Variants in STK40 observed in about 807,000 individuals in gnomAD.
The protein encoded by STK40 is serine/threonine-protein kinase 40.
Under a neutral mutation model 47.9 loss-of-function variants are expected in STK40, and 13 were observed. That is an observed-to-expected ratio of 0.27 (90% CI 0.18 to 0.43). The LOEUF (loss-of-function observed/expected upper bound fraction) is 0.43. Ranked by LOEUF, STK40 falls within the 20% of genes least tolerant of loss-of-function variation. The probability of loss-of-function intolerance (pLI) is 1.00; values close to 1 mark genes in which losing one functional copy is unlikely to be tolerated. For missense variants in STK40, 460 were observed against 595.1 expected (o/e 0.77, Z 2.36); for synonymous variants, 225 against 243.2 (o/e 0.93, Z 0.69).
At chr1:36,369,255 G>A (rs1408056301) in intron 1 of STK40, among the ~76,000 whole-genome samples, 1 of 152,160 alleles carries the variant, frequency 6.6e-6, no homozygotes, top group Non-Finnish European at 1.5e-5. Context: ...TGCACCAGGT[G>A]CAGGATGGTG....
At chr1:36,355,483 C>T (rs1646795564) in intron 4 of STK40, 50 bp from the exon 5 acceptor site, 1 of 1,589,970 alleles carries the variant, frequency 6.3e-7, no homozygotes, top group Non-Finnish European at 8.6e-7. Context: ...TTGGCAGGGC[C>T]AAGGCCAGGG....
At position 36,367,286 on chromosome 1, in the gene STK40, G is replaced by A. The variant is rs1396676019; in HGVS notation, c.-8-5946C>T. Among the ~76,000 whole-genome samples, 2 of 152,184 alleles carry A rather than the reference G, an allele frequency of 1.3e-5. 1 individual carries two copies. Among genetic ancestry groups the A allele is most frequent in the Admixed American group, 1.3e-4 (2 of 15,284 alleles). On this transcript the variant is annotated intron_variant, in intron 1 of 10. Coordinates refer to ENST00000373132, the MANE Select transcript of STK40 (RefSeq NM_001282547.2). ...AAGAGAGCCCAGCTGGCACTCCGCCGTCCGCAGGCTGTAGCTGTGCCTGAT... is the reference window on the plus strand; with the variant it reads ...AAGAGAGCCCAGCTGGCACTCCGCCATCCGCAGGCTGTAGCTGTGCCTGAT...
At chr1:36,383,424 G>C (rs541326255) in intron 1 of STK40, among the ~76,000 whole-genome samples, 2 of 152,224 alleles carry the variant, frequency 1.3e-5, no homozygotes, top group Non-Finnish European at 2.9e-5. Flanking sequence ...GCACTTCTGC[G>C]CCAGGCAGAG....
In STK40 at chr1:36,342,205, C is replaced by G. The variant is rs1042550297; in HGVS notation, c.1090-232G>C. 1.2e-5 allele frequency: 7 copies of G among 562,836 alleles called. No homozygotes were observed. In the Admixed American group the frequency reaches 1.9e-4, roughly 15 times the overall value. 34.9% of individuals were successfully genotyped at this position (562,836 alleles called of 1,614,324 possible). ...GGCCGCCCTGCGGACCCGGGACTGA[C>G]GCAGACTCATGCTTCCTAACTCACT... On this transcript the variant is annotated intron_variant, in intron 10 of 10. Coordinates refer to ENST00000373132, the MANE Select transcript of STK40 (RefSeq NM_001282547.2).
intron 1 of STK40, among the ~76,000 whole-genome samples, chr1:36,361,916 C>G (rs553642893): frequency 5.9e-5 from 9 of 152,288 alleles, no homozygotes; most frequent in Admixed American, 5.9e-4. Flanking sequence ...GAACCCCTCT[C>G]CCCATCTTTC....
intron 1 of STK40, among the ~76,000 whole-genome samples, 162 bp downstream of exon 1, chr1:36,385,561 G>C (rs1352185886): frequency 6.6e-6 from 1 of 152,144 alleles, no homozygotes; most frequent in African/African-American, 2.4e-5. Context: ...CGCCGGGGAA[G>C]GGCAGAGCCC....
At chr1:36,384,457 T>C (rs1647068211) in intron 1 of STK40, among the ~76,000 whole-genome samples, 8 of 152,240 alleles carry the variant, frequency 5.3e-5, no homozygotes, top group Admixed American at 4.6e-4. Context: ...GCAAACATGG[T>C]TGTATGTTTT....
In STK40 at chr1:36,341,679, G is replaced by A; in HGVS notation, c.*76C>T. 6.4e-7 allele frequency: 1 copy of A among 1,556,710 alleles called. No individual in the cohort carries two copies. The highest frequency in any genetic ancestry group is 1.2e-5 in the South Asian group (1 of 85,296). ...GCCCGGGAGAGTCCAGCACTACAGG[G>A]CCCAGCCCTGACAGCCACGCCTTTG... On this transcript the variant is annotated 3_prime_UTR_variant, in exon 11 of 11. Transcript: ENST00000373132.
At chr1:36,364,285 C>G (rs1449779867) in intron 1 of STK40, among the ~76,000 whole-genome samples, 7 of 152,258 alleles carry the variant, frequency 4.6e-5, no homozygotes, top group Middle Eastern at 3.4e-3. Flanking sequence ...TAGGCTAATA[C>G]AAGGGGGACA....
intron 6 of STK40, among the ~76,000 whole-genome samples, chr1:36,353,457 C>T (rs763796294): frequency 6.9e-4 from 105 of 152,320 alleles, no homozygotes; most frequent in Non-Finnish European, 1.2e-3. Flanking sequence ...AAACCAGGGC[C>T]GTGCTTGGTG....
intron 2 of STK40, 126 bp from the exon 3 acceptor site, chr1:36,358,948 A>C: frequency 1.0e-6 from 1 of 982,694 alleles, no homozygotes; most frequent in Non-Finnish European, 1.5e-6. Context: ...TACTGGACTG[A>C]CCCTCCAAGG....
intron 7 of STK40, among the ~76,000 whole-genome samples, chr1:36,347,490 T>C (rs1269496157): frequency 6.6e-6 from 1 of 152,186 alleles, no homozygotes; most frequent in African/African-American, 2.4e-5. Flanking sequence ...AGAGATGTCA[T>C]CTCTCTGAGC....
chr1:36,343,558 C>G (rs750266546), intron 9 of STK40, 110 bp from the exon 10 acceptor site: 17 of 1,090,336 alleles, frequency 1.6e-5, no homozygotes, highest in African/African-American at 3.2e-5. Context: ...TGAGAGACTG[C>G]TTCTCTGAGC....
At chr1:36,353,582 C>T (rs966756227) in intron 6 of STK40, among the ~76,000 whole-genome samples, 1 of 152,230 alleles carries the variant, frequency 6.6e-6, no homozygotes, top group Non-Finnish European at 1.5e-5. Flanking sequence ...TAACCACTCA[C>T]AGCTGCATCC....
At chr1:36,380,999 C>T (rs1174249696) in intron 1 of STK40, among the ~76,000 whole-genome samples, 1 of 152,144 alleles carries the variant, frequency 6.6e-6, no homozygotes, top group Non-Finnish European at 1.5e-5. Flanking sequence ...AAACCAAGGA[C>T]CTCAAGGTTA....
intron 1 of STK40, among the ~76,000 whole-genome samples, chr1:36,370,959 C>A (rs1453700869): frequency 6.6e-6 from 1 of 151,750 alleles, no homozygotes; most frequent in Non-Finnish European, 1.5e-5. Context: ...TCACTGCAAC[C>A]TCCGCCTCCT....
rs1348731450 is a variant in STK40, at chr1:36,341,488, CAG to C, written c.*265_*266del. On this transcript the variant is annotated 3_prime_UTR_variant, in exon 11 of 11. Coordinates refer to ENST00000373132, the MANE Select transcript of STK40 (RefSeq NM_001282547.2). ...TCCAGAGACAGCATGGTTAAAGAGA[CAG>C]AGGTAGATTAAAACATCGTGATTAA... 2.0e-6 allele frequency: 1 copy of C among 488,082 alleles called. No homozygotes were observed. Among genetic ancestry groups the C allele is most frequent in the East Asian group, 3.9e-5 (1 of 25,764 alleles). The allele number at this position is 488,082 out of a possible 1,614,324, so 30.2% of individuals were successfully genotyped here. A position where few individuals can be genotyped will look rare whatever the true frequency, so the allele number is the denominator to read the frequency against.
chr1:36,348,764 G>C lies in STK40; in HGVS notation c.675C>G (p.Ser225Arg). Residue 225 changes from serine to arginine, a missense_variant, in exon 7 of 11, where the codon AGC (serine) becomes AGG (arginine). Coordinates refer to ENST00000373132, the MANE Select transcript of STK40 (RefSeq NM_001282547.2). ...TCTGGTCCTTCAGCAGGTCCCCCTC[G>C]CTCACCAGATGCTTCCCGAGGCAGA... Reference protein sequence around the residue: ...TNFCLGKHLVSEGDLLKDQRG... With the variant: ...TNFCLGKHLVREGDLLKDQRG... 2.2e-5 allele frequency: 35 copies of C among 1,610,728 alleles called. No individual in the cohort carries two copies. The highest frequency in any genetic ancestry group is 3.0e-5 in the Non-Finnish European group (35 of 1,178,416).
chr1:36,356,900 C>T lies in STK40; in HGVS notation c.342+1339G>A, dbSNP rs1030395784. Reference sequence around the variant, plus strand: ...TCACAGACAAAATACCAAGAAACCACAATCACCCTCAATTTGATTTCATGT... The same window carrying T: ...TCACAGACAAAATACCAAGAAACCATAATCACCCTCAATTTGATTTCATGT... On this transcript the variant is annotated intron_variant, in intron 4 of 10. Coordinates refer to ENST00000373132, the MANE Select transcript of STK40 (RefSeq NM_001282547.2). Among the ~76,000 whole-genome samples, 8 of 152,284 alleles carry T rather than the reference C, an allele frequency of 5.3e-5. No individual in the cohort carries two copies. In the South Asian group the frequency reaches 1.7e-3, roughly 32 times the overall value.
Sources: gnomAD v4.1 joint callset for allele counts (sites outside exome capture counted in the v4.1 genomes callset) on GRCh38, gnomAD v4.1.1 for gene constraint, MANE v1.5 for transcripts, NCBI Gene and HGNC (gene_info 2026-07-23, HGNC 2026-07-21) for gene names.